Variants in HS6ST2 observed in about 807,000 individuals in gnomAD.
The protein encoded by HS6ST2 is heparan sulfate 6-O-sulfotransferase 2.
In HS6ST2, 17 loss-of-function variants were observed where a neutral mutation model predicts 33.0. That is an observed-to-expected ratio of 0.52 (90% CI 0.35 to 0.77). The LOEUF is 0.77. Ranked by LOEUF, HS6ST2 falls within the 30% of genes least tolerant of loss-of-function variation. The pLI, the probability that HS6ST2 is intolerant of heterozygous loss-of-function variation, is 0.01. For missense variants in HS6ST2, 519 were observed against 551.7 expected (o/e 0.94, Z 0.59); for synonymous variants, 248 against 237.1 (o/e 1.05, Z -0.42).
At chrX:132,818,432 T>C (rs2065417618) in intron 2 of HS6ST2, among the ~76,000 whole-genome samples, 1 of 111,260 alleles carries the variant, frequency 9.0e-6, no homozygotes, top group South Asian at 3.8e-4. Flanking sequence ...AGATAAACAC[T>C]GCAAAACTGT....
chrX:132,871,094 C>T (rs1233586068), intron 2 of HS6ST2, among the ~76,000 whole-genome samples: 1 of 111,651 alleles, frequency 9.0e-6, no homozygotes, highest in Non-Finnish European at 1.9e-5. Context: ...ACAAACAACC[C>T]CATCAAAAAG....
At chrX:132,823,124 G>A (rs2065476331) in intron 2 of HS6ST2, among the ~76,000 whole-genome samples, 2 of 112,177 alleles carry the variant, frequency 1.8e-5, no homozygotes, top group South Asian at 3.7e-4. Flanking sequence ...ATATACGAAC[G>A]AACATGTCTT....
At chrX:132,756,195 T>C (rs2064754919) in intron 2 of HS6ST2, among the ~76,000 whole-genome samples, 1 of 112,284 alleles carries the variant, frequency 8.9e-6, no homozygotes, top group Non-Finnish European at 1.9e-5. Flanking sequence ...TGTAGAATAA[T>C]GGCAGTTGTT....
In HS6ST2 at chrX:132,687,321, T is replaced by A. The variant is rs763885338; in HGVS notation, c.981-18122A>T. On this transcript the variant is annotated intron_variant, in intron 3 of 4. Coordinates refer to ENST00000370833, the MANE Select transcript of HS6ST2 (RefSeq NM_001394073.1). ...TACTTTCTCCTGGGAGAAGGCAGGA[T>A]AATAAAAAAGGAGAGCCAGGGAACC... Among the ~76,000 whole-genome samples the A allele has an allele frequency of 2.7e-5, 3 of 111,080 alleles. No individual in the cohort carries two copies. The East Asian group carries it at 8.6e-4, about 32-fold the overall frequency.
intron 2 of HS6ST2, among the ~76,000 whole-genome samples, chrX:132,954,141 G>A (rs1464987849): frequency 8.9e-6 from 1 of 112,247 alleles, no homozygotes; most frequent in East Asian, 2.8e-4. Flanking sequence ...AGAGATAAGG[G>A]ATATGAACGC....
rs987281388 is a variant in HS6ST2 at position 132,626,171 on chromosome X, A to G, written c.*2052T>C. ...TATATTTATAACATCCTCTATATAC[A>G]ATAATCAGTATAGACAGAGAAAATG... On this transcript the variant is annotated 3_prime_UTR_variant, in exon 5 of 5. Transcript: ENST00000370833. The G allele has an allele frequency of 2.7e-5, 3 of 112,671 alleles. No individual in the cohort carries two copies. The highest frequency in any genetic ancestry group is 3.8e-5 in the Non-Finnish European group (2 of 53,271). 9.3% of individuals were successfully genotyped at this position (112,671 alleles called of 1,213,427 possible). A position where few individuals can be genotyped will look rare whatever the true frequency, so the allele number is the denominator to read the frequency against.
chrX:132,868,813 C>T (rs1292630014), intron 2 of HS6ST2, among the ~76,000 whole-genome samples: 1 of 111,333 alleles, frequency 9.0e-6, no homozygotes, highest in African/African-American at 3.3e-5. Context: ...CACTAAATGC[C>T]CACAGGAGAA....
At chrX:132,859,845 GAGA>G (rs2065893702) in intron 2 of HS6ST2, among the ~76,000 whole-genome samples, 1 of 96,849 alleles carries the variant, frequency 1.0e-5, no homozygotes. Flanking sequence ...AAGGAAGGGA[GAGA>G]AGGAGGGAGA....
At chrX:132,771,429 TG>T (rs996902048) in intron 2 of HS6ST2, among the ~76,000 whole-genome samples, 1 of 111,508 alleles carries the variant, frequency 9.0e-6, no homozygotes, top group African/African-American at 3.3e-5. Flanking sequence ...AAGAGAAAAA[TG>T]TGAGTGAGAA....
At chrX:132,766,322 A>G (rs1051023155) in intron 2 of HS6ST2, among the ~76,000 whole-genome samples, 2 of 112,404 alleles carry the variant, frequency 1.8e-5, no homozygotes, top group Non-Finnish European at 3.8e-5. Context: ...AAATGATATG[A>G]TTGATATCAT....
At chrX:132,674,257 C>T (rs1299006761) in intron 3 of HS6ST2, among the ~76,000 whole-genome samples, 1 of 111,862 alleles carries the variant, frequency 8.9e-6, no homozygotes, top group Non-Finnish European at 1.9e-5. Context: ...TAACTATGAT[C>T]TCTCAGAAGC....
At chrX:132,782,506 A>G (rs2065024877) in intron 2 of HS6ST2, among the ~76,000 whole-genome samples, 1 of 111,799 alleles carries the variant, frequency 8.9e-6, no homozygotes, top group Admixed American at 9.5e-5. Flanking sequence ...ACTGATTTAG[A>G]TGAGTGGGTG....
chrX:132,793,687 G>C (rs1036384957), intron 2 of HS6ST2, among the ~76,000 whole-genome samples: 2 of 112,091 alleles, frequency 1.8e-5, no homozygotes, highest in Non-Finnish European at 3.8e-5. Context: ...AGTACAATTA[G>C]AGTTGGGGTG....
At chrX:132,790,703 C>T (rs1223984767) in intron 2 of HS6ST2, among the ~76,000 whole-genome samples, 1 of 111,925 alleles carries the variant, frequency 8.9e-6, no homozygotes, top group African/African-American at 3.2e-5. Context: ...TGCTTTGCAA[C>T]CAAAAATGAA....
At chrX:132,633,461 C>A (rs981568555) in intron 4 of HS6ST2, among the ~76,000 whole-genome samples, 2 of 111,004 alleles carry the variant, frequency 1.8e-5, no homozygotes, top group Non-Finnish European at 3.8e-5. Context: ...GAAGGAGGAG[C>A]AGACTAGAGA....
At chrX:132,882,163 A>G (rs1369739560) in intron 2 of HS6ST2, among the ~76,000 whole-genome samples, 1 of 111,317 alleles carries the variant, frequency 9.0e-6, no homozygotes, top group Non-Finnish European at 1.9e-5. Flanking sequence ...TCTGTGAAGA[A>G]AGTCATTGGT....
chrX:132,812,175 G>A (rs2065352696), intron 2 of HS6ST2, among the ~76,000 whole-genome samples: 1 of 109,542 alleles, frequency 9.1e-6, no homozygotes, highest in Non-Finnish European at 1.9e-5. Context: ...GAGAGGCCAA[G>A]GTGGGCAGAT....
At chrX:132,718,668 T>G (rs533162438) in intron 2 of HS6ST2, among the ~76,000 whole-genome samples, 1 of 110,920 alleles carries the variant, frequency 9.0e-6, no homozygotes, top group South Asian at 3.9e-4. Flanking sequence ...ATTTTTCATT[T>G]TGAATTCCAG....
intron 2 of HS6ST2, among the ~76,000 whole-genome samples, chrX:132,925,851 G>A (rs1338357084): frequency 8.9e-6 from 1 of 111,751 alleles, no homozygotes; most frequent in Non-Finnish European, 1.9e-5. Flanking sequence ...ACGTTATAAA[G>A]CCCTCTCACT....
Sources: allele counts gnomAD v4.1 joint callset (sites outside exome capture counted in the v4.1 genomes callset), GRCh38; gene constraint gnomAD v4.1.1; transcripts MANE v1.5; gene names NCBI Gene and HGNC (gene_info 2026-07-23, HGNC 2026-07-21).